Variants in HPF1 observed in about 807,000 individuals in gnomAD.
HPF1 encodes histone PARylation factor 1.
Under a neutral mutation model 38.8 loss-of-function variants are expected in HPF1, and 35 were observed. That is an observed-to-expected ratio of 0.90 (90% CI 0.69 to 1.19). The LOEUF is 1.19. HPF1 is among the 50% of genes most tolerant of loss of function. The pLI is 0.00. For missense variants in HPF1, 367 were observed against 405.8 expected (o/e 0.90, Z 0.82); for synonymous variants, 115 against 139.2 (o/e 0.83, Z 1.22).
In HPF1 at chr4:169,753,703, C is replaced by G. The variant is rs1349736842; in HGVS notation, c.181G>C (p.Glu61Gln). 6 of 1,611,334 alleles carry G rather than the reference C, an allele frequency of 3.7e-6. No individual in the cohort carries two copies. The highest frequency in any genetic ancestry group is 5.1e-6 in the Non-Finnish European group (6 of 1,179,208). Residue 61 changes from glutamate (E) to glutamine (Q), a missense_variant, in exon 2 of 8, where the codon GAA becomes CAA. Transcript: ENST00000393381. ...EDFYHFWKFC[E>Q]ELDPEKPSDS... ...GATGGCTTTTCAGGATCAAGTTCTT[C>G]ACAGAACTTCCAGAAGTGATAGAAA...
intron 7 of HPF1, among the ~76,000 whole-genome samples, chr4:169,730,660 C>G (rs4692742): frequency 6.6e-6 from 1 of 152,032 alleles, no homozygotes. Context: ...TTTGGACAAG[C>G]CTTCCCATTG....
intron 2 of HPF1, 101 bp from the exon 3 acceptor site, chr4:169,750,826 C>A: frequency 2.2e-6 from 2 of 890,004 alleles, no homozygotes; most frequent in South Asian, 2.1e-5. Context: ...TAAAAAGTTT[C>A]TAAACTAAAA....
chr4:169,733,617 G>A (rs1434459609), intron 6 of HPF1, among the ~76,000 whole-genome samples: 2 of 152,162 alleles, frequency 1.3e-5, no homozygotes, highest in Admixed American at 6.5e-5. Flanking sequence ...CGGGCTGAGC[G>A]CAGTGGCTCA....
At chr4:169,740,093 C>G (rs1733951294) in intron 5 of HPF1, among the ~76,000 whole-genome samples, 1 of 152,116 alleles carries the variant, frequency 6.6e-6, no homozygotes, top group Non-Finnish European at 1.5e-5. Flanking sequence ...AGCATGGGAT[C>G]ACAGGTGGAT....
intron 4 of HPF1, among the ~76,000 whole-genome samples, chr4:169,744,087 A>G (rs1205172368): frequency 1.3e-5 from 2 of 152,228 alleles, no homozygotes; most frequent in African/African-American, 4.8e-5. Context: ...TTTTATATCA[A>G]CCATAAAATA....
chr4:169,743,487 T>C (rs1725959162), intron 4 of HPF1, among the ~76,000 whole-genome samples: 1 of 151,254 alleles, frequency 6.6e-6, no homozygotes, highest in South Asian at 2.1e-4. Flanking sequence ...ATAGATTTTT[T>C]TTTTAATGTT....
rs150871055 is a variant in HPF1, at chr4:169,750,544, C to A, written c.390G>T (p.Gly130=). 2 of 1,597,774 alleles carry A rather than the reference C, an allele frequency of 1.3e-6. No individual in the cohort carries two copies. Among genetic ancestry groups the A allele is most frequent in the Non-Finnish European group, 1.7e-6 (2 of 1,172,170 alleles). The change falls in exon 3 of 8, where the codon GGG becomes GGT. Residue 130 remains glycine, a synonymous_variant. Transcript: ENST00000393381. ...IGDNKTQYHM[G]YFRDSPDEFP... ...AAGAAAAGATCCTTTACCTGAAATA[C>A]CCCATGTGGTACTGAGTTTTATTAT...
Position 169,753,028 on chromosome 4 carries a change from G to GTTTTTTTT in HPF1, c.208+640_208+647dup, listed in dbSNP as rs71590035. The stretch of plus-strand genomic sequence containing the variant: ...ATGAACAGTTTATATCCTTGGTTAG[G>GTTTTTTTT]TTTTTTTTTTTTTTTTTTTTTCTGA... On this transcript the variant is annotated intron_variant, in intron 2 of 7. Transcript: ENST00000393381. Among the ~76,000 whole-genome samples, 54 of 103,888 alleles carry GTTTTTTTT rather than the reference G, an allele frequency of 5.2e-4. 1 individual carries two copies. Among genetic ancestry groups the GTTTTTTTT allele is most frequent in the Admixed American group, 6.6e-4 (5 of 7,616 alleles). 68.2% of individuals were successfully genotyped at this position (103,888 alleles called of 152,430 possible).
chr4:169,755,032 A>G (rs1334529484), intron 1 of HPF1, among the ~76,000 whole-genome samples: 1 of 150,516 alleles, frequency 6.6e-6, no homozygotes, highest in East Asian at 1.9e-4. Flanking sequence ...ACTCGTCATT[A>G]TTAGGTATAT....
intron 4 of HPF1, among the ~76,000 whole-genome samples, chr4:169,746,892 C>G (rs1333488646): frequency 7.7e-6 from 1 of 129,974 alleles, no homozygotes; most frequent in Non-Finnish European, 1.6e-5. Context: ...TTTTTTTTTT[C>G]TTTTTCATTG....
At chr4:169,750,243 A>G (rs1449829647) in intron 3 of HPF1, among the ~76,000 whole-genome samples, 4 of 143,916 alleles carry the variant, frequency 2.8e-5, no homozygotes, top group Non-Finnish European at 4.4e-5. Context: ...ACTCTGGCAC[A>G]CGGCTTATTA....
intron 4 of HPF1, among the ~76,000 whole-genome samples, chr4:169,744,367 A>G (rs1734018301): frequency 1.3e-5 from 2 of 152,206 alleles, no homozygotes; most frequent in Admixed American, 6.5e-5. Flanking sequence ...TGACATTATT[A>G]TGACTATCTC....
At chr4:169,756,545 C>T (rs1370285748) in intron 1 of HPF1, among the ~76,000 whole-genome samples, 1 of 152,190 alleles carries the variant, frequency 6.6e-6, no homozygotes, top group Non-Finnish European at 1.5e-5. Flanking sequence ...CCTGACTCTA[C>T]TGATTTCCAA....
At chr4:169,745,737 G>A (rs1734038636) in intron 4 of HPF1, among the ~76,000 whole-genome samples, 2 of 152,190 alleles carry the variant, frequency 1.3e-5, no homozygotes, top group East Asian at 1.9e-4. Context: ...TCCTGGGCTC[G>A]AGCAATGCTC....
Position 169,737,647 on chromosome 4 carries a change from T to A in HPF1, c.736+13A>T, listed in dbSNP as rs776163487. On this transcript the variant is annotated intron_variant, in intron 6 of 7. Coordinates refer to ENST00000393381, the MANE Select transcript of HPF1 (RefSeq NM_017867.3). ...TTAACATATATGCACATGTTTACTA[T>A]GAAATACATTACCATCTGTTTCAGG... The A allele has an allele frequency of 2.7e-6, 4 of 1,506,876 alleles. No homozygotes were observed. In the South Asian group the frequency reaches 3.4e-5, roughly 13 times the overall value. The allele number at this position is 1,506,876 out of a possible 1,614,324, so 93.3% of individuals were successfully genotyped here. A position where few individuals can be genotyped will look rare whatever the true frequency, so the allele number is the denominator to read the frequency against.
At position 169,757,828 on chromosome 4, in the gene HPF1, A is replaced by G. The variant is rs1581326491; in HGVS notation, c.48+2T>C. On this transcript the variant is annotated splice_donor_variant, in intron 1 of 7. Coordinates refer to ENST00000393381, the MANE Select transcript of HPF1 (RefSeq NM_017867.3). LOFTEE classifies it high-confidence loss of function. ...TAGCCCGCACAGCCTTTCCGGCAGT[A>G]CCTGCGGCCCCTCTCCGCCGGGCCT... The G allele has an allele frequency of 6.4e-7, 1 of 1,562,762 alleles. No individual in the cohort carries two copies. Among genetic ancestry groups the G allele is most frequent in the Non-Finnish European group, 8.6e-7 (1 of 1,161,242 alleles).
chr4:169,734,956 G>GA (rs1733873753), intron 6 of HPF1, among the ~76,000 whole-genome samples: 1 of 151,946 alleles, frequency 6.6e-6, no homozygotes, highest in Non-Finnish European at 1.5e-5. Context: ...TTGAAACCCT[G>GA]TCTCTACTAA....
chr4:169,741,840 G>A (rs1181439230), intron 5 of HPF1, 117 bp downstream of exon 5: 22 of 801,784 alleles, frequency 2.7e-5, no homozygotes, highest in Non-Finnish European at 4.1e-5. Context: ...CTAAGGGACA[G>A]CATCCAGTTC....
intron 6 of HPF1, among the ~76,000 whole-genome samples, chr4:169,734,958 C>CAACATGG (rs1733873851): frequency 6.6e-6 from 1 of 151,940 alleles, no homozygotes; most frequent in Non-Finnish European, 1.5e-5. Context: ...GAAACCCTGT[C>CAACATGG]TCTACTAAAA....
Sources: gnomAD v4.1 joint callset for allele counts (sites outside exome capture counted in the v4.1 genomes callset) on GRCh38, gnomAD v4.1.1 for gene constraint, MANE v1.5 for transcripts, NCBI Gene and HGNC (gene_info 2026-07-23, HGNC 2026-07-21) for gene names.